MYL12B: variants seen among roughly 807,000 people sequenced by gnomAD.
MYL12B encodes myosin regulatory light chain 12B.
In MYL12B, 3 loss-of-function variants were observed where a neutral mutation model predicts 12.9. The observed-to-expected ratio is 0.23, with a 90% CI of 0.11 to 0.60. The LOEUF is 0.60. MYL12B is among the 20% of genes least tolerant of loss of function. The pLI is 0.89. For synonymous variants in MYL12B, 57 were observed against 71.9 expected, an observed-to-expected ratio of 0.79 and a Z score of 1.05; for missense variants, 120 against 215.4, an observed-to-expected ratio of 0.56 and a Z score of 2.77.
rs80293940 is a variant in MYL12B, at chr18:3,272,741, G to A, written c.-15-143G>A. 1,631 of 737,898 alleles carry A rather than the reference G, an allele frequency of 2.2e-3. 7 individuals are homozygous for A. Among genetic ancestry groups the A allele is most frequent in the Middle Eastern group, 0.022 (56 of 2,584 alleles). 45.7% of individuals were successfully genotyped at this position (737,898 alleles called of 1,614,324 possible). On this transcript the variant is annotated intron_variant, in intron 1 of 3. Coordinates refer to ENST00000237500, the MANE Select transcript of MYL12B (RefSeq NM_033546.4). ...ATTGTCACATTGAAAATAAAGTTTA[G>A]GTGCATACTTATTCCTACCCAATTG...
At chr18:3,275,065 C>T (rs965375437) in intron 2 of MYL12B, among the ~76,000 whole-genome samples, 2 of 151,740 alleles carry the variant, frequency 1.3e-5, no homozygotes, top group Non-Finnish European at 2.9e-5. Context: ...TTGAAAACAC[C>T]GTAAGTGTCC....
chr18:3,264,989 G>A lies in MYL12B; in HGVS notation c.-16+2752G>A, dbSNP rs2081625311. ...TAAAACAAAATGATATAGGAGCTCA[G>A]AGAATAGAAAGTTTGCAGCCAACTG... On this transcript the variant is annotated intron_variant, in intron 1 of 3. Coordinates refer to ENST00000237500, the MANE Select transcript of MYL12B (RefSeq NM_033546.4). Among the ~76,000 whole-genome samples the A allele has an allele frequency of 2.0e-5, 3 of 152,140 alleles. No homozygotes were observed. In the South Asian group the frequency reaches 6.2e-4, roughly 31 times the overall value.
intron 2 of MYL12B, among the ~76,000 whole-genome samples, chr18:3,275,473 C>CA (rs1221308092): frequency 7.9e-5 from 12 of 151,984 alleles, no homozygotes; most frequent in African/African-American, 2.9e-4. Context: ...GTTGGTAACA[C>CA]AAAGAAATGA....
Position 3,263,311 on chromosome 18 carries a change from A to G in MYL12B, c.-16+1074A>G, listed in dbSNP as rs116747971. Among the ~76,000 whole-genome samples, 336 of 152,338 alleles carry G rather than the reference A, an allele frequency of 2.2e-3. 2 individuals are homozygous for G. The highest frequency in any genetic ancestry group is 7.8e-3 in the African/African-American group (324 of 41,582). On this transcript the variant is annotated intron_variant, in intron 1 of 3. Transcript: ENST00000237500. ...GGTAGATTTGGAATGGTCTTTTGGT[A>G]AGAGAAGAATCAAAGCATTTAGAAT...
intron 2 of MYL12B, among the ~76,000 whole-genome samples, chr18:3,274,292 T>A (rs2081709941): frequency 6.6e-6 from 1 of 152,252 alleles, no homozygotes; most frequent in Non-Finnish European, 1.5e-5. Flanking sequence ...TTATAATAGA[T>A]GCTCAATAGA....
intron 2 of MYL12B, 155 bp from the exon 3 acceptor site, chr18:3,277,098 A>C (rs1384046623): frequency 1.1e-6 from 1 of 927,160 alleles, no homozygotes; most frequent in African/African-American, 1.8e-5. Context: ...TTAAGTTGTC[A>C]AAAATAATCT....
chr18:3,262,799 G>C (rs1262187175), intron 1 of MYL12B: 1 of 152,366 alleles, frequency 6.6e-6, no homozygotes, highest in East Asian at 1.9e-4. Flanking sequence ...GTAACCGAGT[G>C]TGTGGTTGAT....
At chr18:3,265,155 T>TA (rs902731353) in intron 1 of MYL12B, among the ~76,000 whole-genome samples, 6 of 151,960 alleles carry the variant, frequency 3.9e-5, no homozygotes, top group African/African-American at 1.4e-4. Context: ...TTTGGCTCCC[T>TA]AAAAAAAATA....
intron 1 of MYL12B, chr18:3,272,220 T>C (rs1195941859): frequency 3.2e-6 from 3 of 948,926 alleles, no homozygotes; most frequent in Non-Finnish European, 3.8e-6. Flanking sequence ...GTTCTTTGCA[T>C]TGAAGTAGAT....
At chr18:3,265,651 C>T (rs1242605638) in intron 1 of MYL12B, among the ~76,000 whole-genome samples, 1 of 152,196 alleles carries the variant, frequency 6.6e-6, no homozygotes. Context: ...CCTCCCTCCC[C>T]TCCCCAATTA....
rs1802516 is a variant in MYL12B at position 3,272,934 on chromosome 18, G to A, written c.36G>A (p.Lys12=). 2 of 1,612,118 alleles carry A rather than the reference G, an allele frequency of 1.2e-6. No homozygotes were observed. The highest frequency in any genetic ancestry group is 4.5e-5 in the East Asian group (2 of 44,864). The change falls in exon 2 of 4, where the codon AAG becomes AAA. Residue 12 remains lysine (K), a synonymous_variant. Coordinates refer to ENST00000237500, the MANE Select transcript of MYL12B (RefSeq NM_033546.4). ...AAAAGGCAAAGACCAAGACCACCAAGAAGCGCCCTCAGCGTGCAACATCCA... is the reference window on the plus strand; with the variant it reads ...AAAAGGCAAAGACCAAGACCACCAAAAAGCGCCCTCAGCGTGCAACATCCA... ...SSKKAKTKTT[K]KRPQRATSNV...
intron 1 of MYL12B, among the ~76,000 whole-genome samples, chr18:3,269,675 T>C (rs1461319265): frequency 6.6e-6 from 1 of 152,186 alleles, no homozygotes; most frequent in Non-Finnish European, 1.5e-5. Flanking sequence ...GCAGGCATTG[T>C]CATAACAGTG....
Position 3,278,117 on chromosome 18 carries a change from TG to T in MYL12B, c.*184del. 1 of 615,568 alleles carries T rather than the reference TG, an allele frequency of 1.6e-6. No homozygotes were observed. The allele number at this position is 615,568 out of a possible 1,614,324, so 38.1% of individuals were successfully genotyped here. A position where few individuals can be genotyped will look rare whatever the true frequency, so the allele number is the denominator to read the frequency against. On this transcript the variant is annotated 3_prime_UTR_variant, in exon 4 of 4. Coordinates refer to ENST00000237500, the MANE Select transcript of MYL12B (RefSeq NM_033546.4). ...AGCACTTGTATAATCAGACTGGAAA[TG>T]GGGATGAGGGTGTAAATTGTATTGA...
At chr18:3,275,118 A>G (rs925895181) in intron 2 of MYL12B, among the ~76,000 whole-genome samples, 3 of 151,900 alleles carry the variant, frequency 2.0e-5, no homozygotes, top group African/African-American at 7.3e-5. Flanking sequence ...ACTTATGTAC[A>G]ATGGAATACT....
chr18:3,277,141 T>C (rs1275428048), intron 2 of MYL12B, 112 bp from the exon 3 acceptor site: 5 of 1,257,268 alleles, frequency 4.0e-6, no homozygotes, highest in African/African-American at 3.1e-5. Flanking sequence ...ATTGAAAAAT[T>C]AGTTTCAAAT....
chr18:3,273,274 T>C (rs1195118518), intron 2 of MYL12B, among the ~76,000 whole-genome samples, 192 bp downstream of exon 2: 1 of 152,214 alleles, frequency 6.6e-6, no homozygotes, highest in East Asian at 1.9e-4. Flanking sequence ...GTTGGGGACC[T>C]GGCAGATGCT....
rs547842585 is a variant in MYL12B at position 3,276,286 on chromosome 18, T to C, written c.185-967T>C. ...TCCTCCTATATCACACAACCAGTGG[T>C]AGAACTGGGATTCAAACCCAGTATT... On this transcript the variant is annotated intron_variant, in intron 2 of 3. Transcript: ENST00000237500. 1.4e-3 allele frequency: 311 copies of C among 224,034 alleles called. 1 individual carries two copies. The highest frequency in any genetic ancestry group is 2.1e-3 in the Non-Finnish European group (289 of 135,228). 13.9% of individuals were successfully genotyped at this position (224,034 alleles called of 1,614,324 possible). A position where few individuals can be genotyped will look rare whatever the true frequency, so the allele number is the denominator to read the frequency against.
At chr18:3,271,807 C>T (rs2081681389) in intron 1 of MYL12B, among the ~76,000 whole-genome samples, 1 of 151,792 alleles carries the variant, frequency 6.6e-6, no homozygotes, top group South Asian at 2.1e-4. Context: ...AATGAAATGA[C>T]AAGTGCCTTT....
intron 1 of MYL12B, 63 bp downstream of exon 1, chr18:3,262,300 C>G (rs2081597599): frequency 6.6e-6 from 1 of 152,146 alleles, no homozygotes; most frequent in South Asian, 2.1e-4. Context: ...CCCCCGCGCC[C>G]CCTCCCGTCG....
Sources: allele counts gnomAD v4.1 joint callset (sites outside exome capture counted in the v4.1 genomes callset), GRCh38; gene constraint gnomAD v4.1.1; transcripts MANE v1.5; gene names NCBI Gene and HGNC (gene_info 2026-07-23, HGNC 2026-07-21).